SMCO1: variants seen among roughly 807,000 people sequenced by gnomAD.
The protein encoded by SMCO1 is single-pass membrane protein with coiled-coil domains 1.
SMCO1 carries 9 observed loss-of-function variants against 7.5 expected under a neutral mutation model. The observed-to-expected ratio is 1.20, with a 90% confidence interval of 0.72 to 2.09. The LOEUF (loss-of-function observed/expected upper bound fraction) is 2.09, where lower values mean the gene tolerates loss of function less well. Among genes scored for constraint, SMCO1 ranks in the 30% most tolerant of loss-of-function variants. The pLI is 0.00. For missense variants in SMCO1, 219 were observed against 253.1 expected (o/e 0.87, Z 0.91); for synonymous variants, 90 against 93.8 (o/e 0.96, Z 0.23).
chr3:196,507,528 G>GT lies in SMCO1; in HGVS notation c.*358dup, dbSNP rs1381391919. On this transcript the variant is annotated 3_prime_UTR_variant, in exon 3 of 3. Coordinates refer to ENST00000397537, the MANE Select transcript of SMCO1 (RefSeq NM_001077657.3). ...TTAGCTTTCTTTCCTGACAACTAAT[G>GT]TTATCACTGTCTTGTGTATCTCTGC... 1 of 152,138 alleles carries GT rather than the reference G, an allele frequency of 6.6e-6. No homozygotes were observed. The highest frequency in any genetic ancestry group is 2.4e-5 in the African/African-American group (1 of 41,340). 9.4% of individuals were successfully genotyped at this position (152,138 alleles called of 1,614,324 possible).
At chr3:196,520,181 C>T (rs566550655), upstream of SMCO1, among the ~76,000 whole-genome samples, 41 of 152,272 alleles carry the variant, frequency 2.7e-4, no homozygotes, top group Non-Finnish European at 3.7e-4. Flanking sequence ...CAGACAAACC[C>T]GCTGGAGGGA....
At chr3:196,514,992 G>T (rs777936107) in intron 1 of SMCO1, 168 bp downstream of exon 1, 1 of 743,824 alleles carries the variant, frequency 1.3e-6, no homozygotes, top group Non-Finnish European at 2.3e-6. Context: ...CGCCCACCTC[G>T]GCCTCCCAGT....
At chr3:196,517,964 C>A (rs1287873936), upstream of SMCO1, among the ~76,000 whole-genome samples, 1 of 152,244 alleles carries the variant, frequency 6.6e-6, no homozygotes, top group East Asian at 1.9e-4. Context: ...AAAAACCAGA[C>A]CTGCAAGCAT....
chr3:196,520,565 G>T, the SMCO1 span, among the ~76,000 whole-genome samples: 1 of 152,272 alleles, frequency 6.6e-6, no homozygotes, highest in Admixed American at 6.5e-5. Context: ...ATGGTGCTAT[G>T]AAGCTTCATG....
In SMCO1 at chr3:196,515,236, AAAAACAAAGC is replaced by A. The variant is rs757818277; in HGVS notation, c.-37_-28del. The A allele has an allele frequency of 6.4e-5, 100 of 1,565,306 alleles. No individual in the cohort carries two copies. Among genetic ancestry groups the A allele is most frequent in the Non-Finnish European group, 8.7e-5 (99 of 1,137,170 alleles). On this transcript the variant is annotated 5_prime_UTR_variant, in exon 1 of 3. Coordinates refer to ENST00000397537, the MANE Select transcript of SMCO1 (RefSeq NM_001077657.3). Reference sequence around the variant, plus strand: ...TTCTGAAGGCAAAAGGAAAGAAAACAAAAACAAAGCAAAACAAAAAAAGCAATAAATGTTT... The same window carrying A: ...TTCTGAAGGCAAAAGGAAAGAAAACAAAAACAAAAAAAGCAATAAATGTTT...
chr3:196,516,383 G>C (rs938057568), upstream of SMCO1, among the ~76,000 whole-genome samples: 1 of 151,966 alleles, frequency 6.6e-6, no homozygotes, highest in Non-Finnish European at 1.5e-5. Flanking sequence ...TCAGAGAAGA[G>C]TGTTAAGGGT....
upstream of SMCO1, chr3:196,515,405 A>C (rs1733361159): frequency 1.7e-6 from 1 of 572,118 alleles, no homozygotes; most frequent in South Asian, 2.0e-5. Flanking sequence ...ATAGTTTCAA[A>C]GAACTTATCT....
upstream of SMCO1, among the ~76,000 whole-genome samples, chr3:196,518,615 C>T (rs745366668): frequency 6.6e-6 from 1 of 152,174 alleles, no homozygotes; most frequent in African/African-American, 2.4e-5. Flanking sequence ...AGACAAAGGA[C>T]CCTGGGTGTT....
intron 1 of SMCO1, among the ~76,000 whole-genome samples, chr3:196,510,847 C>T (rs2108661892): frequency 6.6e-6 from 1 of 152,260 alleles, no homozygotes; most frequent in East Asian, 1.9e-4. Context: ...CCCCCAATAC[C>T]CAGCAAAGGT....
chr3:196,508,090 T>G lies in SMCO1; in HGVS notation c.442A>C (p.Asn148His), dbSNP rs1733103415. ...TTAGCAGTATAGTGTTCTGCCTTGTTACCACGTGCAATAAAGAAGGTACAA... is the reference window on the plus strand; with the variant it reads ...TTAGCAGTATAGTGTTCTGCCTTGTGACCACGTGCAATAAAGAAGGTACAA... ...ALCTFFIARG[N>H]KAEHYTAKVR... The change falls in exon 3 of 3, where the codon AAC becomes CAC. Residue 148 changes from asparagine to histidine, a missense_variant. Asn to His is a moderately conservative substitution (Grantham distance 68, BLOSUM62 1). Coordinates refer to ENST00000397537, the MANE Select transcript of SMCO1 (RefSeq NM_001077657.3). The G allele has an allele frequency of 1.9e-6, 3 of 1,614,084 alleles. No individual in the cohort carries two copies. Among genetic ancestry groups the G allele is most frequent in the African/African-American group, 1.3e-5 (1 of 74,930 alleles).
At chr3:196,509,425 T>C (rs1733155745) in intron 2 of SMCO1, 95 bp downstream of exon 2, 6 of 1,054,476 alleles carry the variant, frequency 5.7e-6, no homozygotes, top group Non-Finnish European at 8.2e-6. Flanking sequence ...TTACAATCCA[T>C]TGTGGGAAAC....
upstream of SMCO1, chr3:196,515,441 A>C (rs1343212861): frequency 5.7e-6 from 3 of 525,074 alleles, no homozygotes; most frequent in Non-Finnish European, 1.0e-5. Context: ...CCTGGAATGC[A>C]CTATAACATT....
upstream of SMCO1, among the ~76,000 whole-genome samples, chr3:196,518,744 C>G (rs1007531014): frequency 1.8e-4 from 28 of 152,176 alleles, no homozygotes; most frequent in Non-Finnish European, 2.9e-5. Flanking sequence ...TTCCAAGGCT[C>G]TTGGTCTCCA....
At position 196,515,213 on chromosome 3, in the gene SMCO1, C is replaced by T. The variant is rs370274768; in HGVS notation, c.-4G>A. The T allele has an allele frequency of 3.7e-6, 6 of 1,607,314 alleles. No homozygotes were observed. The highest frequency in any genetic ancestry group is 4.3e-6 in the Non-Finnish European group (5 of 1,174,732). Reference sequence around the variant, plus strand: ...GGGTTGTGGTTTCATTGTTCATCTTCTGAAGGCAAAAGGAAAGAAAACAAA... The same window carrying T: ...GGGTTGTGGTTTCATTGTTCATCTTTTGAAGGCAAAAGGAAAGAAAACAAA... On this transcript the variant is annotated 5_prime_UTR_variant, in exon 1 of 3. Coordinates refer to ENST00000397537, the MANE Select transcript of SMCO1 (RefSeq NM_001077657.3).
At chr3:196,517,591 C>T (rs984807315), upstream of SMCO1, among the ~76,000 whole-genome samples, 1 of 149,978 alleles carries the variant, frequency 6.7e-6, no homozygotes, top group Admixed American at 6.7e-5. Flanking sequence ...CCCCCCCATA[C>T]CTTTCCCTAT....
At chr3:196,509,721 G>A in intron 1 of SMCO1, 52 bp from the exon 2 acceptor site, 1 of 1,482,380 alleles carries the variant, frequency 6.7e-7, no homozygotes. Flanking sequence ...CAAAACTAAG[G>A]TTTTGATTTA....
chr3:196,512,013 C>G (rs112748287), intron 1 of SMCO1, among the ~76,000 whole-genome samples: 18 of 98,158 alleles, frequency 1.8e-4, no homozygotes, highest in Admixed American at 5.4e-4. Context: ...CGGCCACCTA[C>G]ATTGTCCTTA....
Position 196,508,237 on chromosome 3 carries a change from C to T in SMCO1, c.295G>A (p.Val99Met), listed in dbSNP as rs772381628. ...GAGGCTAAGGTTGGAAGACCTCTCA[C>T]CAGGTCTGGCAGCTTCTCAAGCACA... is the stretch of plus-strand genomic sequence containing the variant. ...TRVLEKLPDLVRGLPTLASVL... is the reference protein window; with the variant it reads ...TRVLEKLPDLMRGLPTLASVL... The change falls in exon 3 of 3, where the codon GTG (valine) becomes ATG (methionine). Residue 99 changes from valine to methionine, a missense_variant. Coordinates refer to ENST00000397537, the MANE Select transcript of SMCO1 (RefSeq NM_001077657.3). 1.5e-5 allele frequency: 25 copies of T among 1,613,950 alleles called. No homozygotes were observed. The highest frequency in any genetic ancestry group is 1.9e-5 in the Non-Finnish European group (23 of 1,179,980).
chr3:196,512,629 A>G (rs1224674311), intron 1 of SMCO1, among the ~76,000 whole-genome samples: 3 of 146,706 alleles, frequency 2.0e-5, no homozygotes, highest in Non-Finnish European at 4.4e-5. Context: ...CTCCTGCCTC[A>G]GTCTCCCGAG....
Sources: allele counts gnomAD v4.1 joint callset (sites outside exome capture counted in the v4.1 genomes callset), GRCh38; gene constraint gnomAD v4.1.1; transcripts MANE v1.5; gene names NCBI Gene and HGNC (gene_info 2026-07-23, HGNC 2026-07-21).